KCNH1: variants seen among roughly 807,000 people sequenced by gnomAD.
KCNH1 encodes the protein voltage-gated delayed rectifier potassium channel KCNH1.
A neutral mutation model predicts 69.2 loss-of-function variants in KCNH1; 27 were observed. The ratio of observed to expected loss-of-function variants is 0.39; its 90% CI spans 0.29 to 0.54. KCNH1 has a LOEUF of 0.54. Ranked by LOEUF, KCNH1 falls within the 20% of genes least tolerant of loss-of-function variation. KCNH1 has a pLI of 0.68. For synonymous variants in KCNH1, 456 were observed against 487.7 expected, an observed-to-expected ratio of 0.93 and a Z score of 0.86; for missense variants, 798 against 1,261.6, an observed-to-expected ratio of 0.63 and a Z score of 5.57.
intron 7 of KCNH1, among the ~76,000 whole-genome samples, chr1:210,895,567 A>C (rs955745647): frequency 2.0e-5 from 3 of 152,096 alleles, no homozygotes; most frequent in Admixed American, 1.3e-4. Context: ...TAGGTGGAGG[A>C]AGAGGATGAG....
chr1:210,871,983 C>T (rs1275516743), intron 7 of KCNH1, among the ~76,000 whole-genome samples: 1 of 150,910 alleles, frequency 6.6e-6, no homozygotes. Flanking sequence ...AGCGCACCAG[C>T]ATGTCACATG....
At chr1:210,831,677 CT>C (rs1685164318) in intron 7 of KCNH1, among the ~76,000 whole-genome samples, 1 of 152,196 alleles carries the variant, frequency 6.6e-6, no homozygotes, top group Admixed American at 6.6e-5. Flanking sequence ...AATATTTCCC[CT>C]CTTAGACAGC....
intron 10 of KCNH1, among the ~76,000 whole-genome samples, chr1:210,727,262 T>A (rs997991091): frequency 3.9e-5 from 6 of 152,228 alleles, no homozygotes; most frequent in African/African-American, 1.4e-4. Flanking sequence ...CAAAGGCATA[T>A]TCCCACTAAG....
chr1:210,722,920 A>G (rs1205774079), intron 10 of KCNH1, among the ~76,000 whole-genome samples: 1 of 152,160 alleles, frequency 6.6e-6, no homozygotes. Context: ...TCTGGGGAAA[A>G]TCTCACACTT....
At chr1:210,691,865 A>G (rs982627114) in intron 10 of KCNH1, among the ~76,000 whole-genome samples, 6 of 152,258 alleles carry the variant, frequency 3.9e-5, no homozygotes, top group Admixed American at 2.0e-4. Context: ...CATGAGCCCA[A>G]CTGTTTGGCT....
chr1:210,716,542 G>T (rs190847900), intron 10 of KCNH1, among the ~76,000 whole-genome samples: 25 of 152,210 alleles, frequency 1.6e-4, no homozygotes, highest in African/African-American at 5.8e-4. Context: ...TTACTACAGG[G>T]TTCTTCAAAT....
chr1:211,074,276 T>C (rs1322717357), intron 5 of KCNH1, among the ~76,000 whole-genome samples: 1 of 151,706 alleles, frequency 6.6e-6, no homozygotes, highest in Non-Finnish European at 1.5e-5. Flanking sequence ...GGAGTTATAA[T>C]TTTTCCTTAA....
rs551134635 is a variant in KCNH1 at position 210,976,667 on chromosome 1, G to A, written c.1032+42116C>T. Reference sequence around the variant, plus strand: ...ACACATGCACATGTATGTTTACTGCGGCACTATTCACAATAGCAAAGACTT... The same window carrying A: ...ACACATGCACATGTATGTTTACTGCAGCACTATTCACAATAGCAAAGACTT... On this transcript the variant is annotated intron_variant, in intron 6 of 10. Transcript: ENST00000271751. Among the ~76,000 whole-genome samples the A allele has an allele frequency of 2.3e-4, 34 of 148,960 alleles. No individual in the cohort carries two copies. In the East Asian group the frequency reaches 4.4e-3, roughly 19 times the overall value.
chr1:210,702,850 C>A (rs12401476), intron 10 of KCNH1, among the ~76,000 whole-genome samples: 3,243 of 152,316 alleles, frequency 0.021, 105 homozygotes, highest in Admixed American at 0.063. Context: ...TTCCACTTTA[C>A]TACATCAGTT....
chr1:211,069,159 C>G (rs1466848477), intron 5 of KCNH1, among the ~76,000 whole-genome samples: 1 of 152,200 alleles, frequency 6.6e-6, no homozygotes, highest in Non-Finnish European at 1.5e-5. Context: ...CCAGCCAGCT[C>G]TAGCCACCCT....
intron 4 of KCNH1, among the ~76,000 whole-genome samples, chr1:211,086,749 T>TG: frequency 6.6e-6 from 1 of 152,260 alleles, no homozygotes; most frequent in East Asian, 1.9e-4. Flanking sequence ...GGTGTTGGGA[T>TG]GAGTTAGAAT....
chr1:210,696,956 G>A (rs921598435), intron 10 of KCNH1, among the ~76,000 whole-genome samples: 3 of 152,202 alleles, frequency 2.0e-5, no homozygotes, highest in African/African-American at 7.2e-5. Context: ...GCAGGCTGAT[G>A]CTAACCATTT....
intron 10 of KCNH1, among the ~76,000 whole-genome samples, chr1:210,728,889 A>G (rs1682674111): frequency 6.6e-6 from 1 of 152,200 alleles, no homozygotes; most frequent in African/African-American, 2.4e-5. Context: ...CCAAATCTGC[A>G]TCCCAACCTG....
chr1:210,843,844 T>C (rs1019065351), intron 7 of KCNH1, among the ~76,000 whole-genome samples: 1 of 152,188 alleles, frequency 6.6e-6, no homozygotes, highest in African/African-American at 2.4e-5. Flanking sequence ...CTTGTCTTTA[T>C]CTGTACCTCA....
At chr1:211,106,771 G>A (rs925296329) in intron 2 of KCNH1, among the ~76,000 whole-genome samples, 2 of 152,130 alleles carry the variant, frequency 1.3e-5, no homozygotes, top group South Asian at 2.1e-4. Context: ...CTCCAGTCTG[G>A]GTGACAAAGC....
intron 7 of KCNH1, among the ~76,000 whole-genome samples, chr1:210,908,196 C>G (rs1243167990): frequency 6.6e-6 from 1 of 152,128 alleles, no homozygotes; most frequent in Non-Finnish European, 1.5e-5. Flanking sequence ...GGCTAATTAT[C>G]CATCTGTTCT....
At chr1:210,877,166 G>A (rs970299697) in intron 7 of KCNH1, among the ~76,000 whole-genome samples, 2 of 151,968 alleles carry the variant, frequency 1.3e-5, no homozygotes, top group African/African-American at 4.8e-5. Flanking sequence ...TTTTGCAGGT[G>A]GAAAACTACT....
chr1:211,124,412 G>A (rs1275287252), intron 1 of KCNH1, among the ~76,000 whole-genome samples: 3 of 152,256 alleles, frequency 2.0e-5, no homozygotes, highest in South Asian at 2.1e-4. Flanking sequence ...TTGGGAGGCC[G>A]AGGCGGGCAG....
chr1:211,019,235 T>C lies in KCNH1; in HGVS notation c.580A>G (p.Ile194Val). 6.2e-7 allele frequency: 1 copy of C among 1,608,894 alleles called. No homozygotes were observed. The highest frequency in any genetic ancestry group is 8.5e-7 in the Non-Finnish European group (1 of 1,178,928). Reference sequence around the variant, plus strand: ...GCCTCTTGCTTGTACTGGGGAAGGATGTCTGAGCCCAGCTGTAGGACCTGT... The same window carrying C: ...GCCTCTTGCTTGTACTGGGGAAGGACGTCTGAGCCCAGCTGTAGGACCTGT... Reference protein sequence around the residue: ...LAEVLQLGSDILPQYKQEAPK... With the variant: ...LAEVLQLGSDVLPQYKQEAPK... Residue 194 changes from isoleucine (I) to valine (V), a missense_variant, in exon 6 of 11, where the codon ATC (isoleucine) becomes GTC (valine). Physicochemically the swap from Ile to Val is conservative, Grantham distance 29. Coordinates refer to ENST00000271751, the MANE Select transcript of KCNH1 (RefSeq NM_172362.3).
Sources: gnomAD v4.1 joint callset for allele counts (sites outside exome capture counted in the v4.1 genomes callset) on GRCh38, gnomAD v4.1.1 for gene constraint, MANE v1.5 for transcripts, NCBI Gene and HGNC (gene_info 2026-07-23, HGNC 2026-07-21) for gene names.